FBLN7: variants seen among roughly 807,000 people sequenced by gnomAD.
FBLN7 encodes fibulin-7.
A neutral mutation model predicts 44.0 loss-of-function variants in FBLN7; 31 were observed. That is an observed-to-expected ratio of 0.70 (90% confidence interval 0.53 to 0.95). The LOEUF is 0.95. FBLN7 is among the 40% of genes least tolerant of loss of function. The pLI, the probability that FBLN7 is intolerant of heterozygous loss-of-function variation, is 0.00. For missense variants in FBLN7, 573 were observed against 618.5 expected (o/e 0.93, Z 0.78); for synonymous variants, 262 against 253.4 (o/e 1.03, Z -0.32).
chr2:112,206,140 A>G, the FBLN7 span, among the ~76,000 whole-genome samples: 2 of 152,140 alleles, frequency 1.3e-5, no homozygotes, highest in Non-Finnish European at 2.9e-5. Context: ...TTTCATCTAT[A>G]ATCTCAAATT....
chr2:112,227,692 TA>T, the FBLN7 span, among the ~76,000 whole-genome samples: 2 of 152,046 alleles, frequency 1.3e-5, no homozygotes, highest in Non-Finnish European at 2.9e-5. Context: ...AATGAACAAC[TA>T]AAAATAAAGT....
At chr2:112,230,793 G>T in the FBLN7 span, 1 of 627,658 alleles carries the variant, frequency 1.6e-6, no homozygotes. Context: ...TTTTTTAGTG[G>T]CGGAGGAAGA....
At chr2:112,207,445 C>T in the FBLN7 span, among the ~76,000 whole-genome samples, 4 of 136,848 alleles carry the variant, frequency 2.9e-5, no homozygotes, top group Non-Finnish European at 3.0e-5. Flanking sequence ...CTAGCTGGGG[C>T]GACAGAGAGA....
intron 4 of FBLN7, among the ~76,000 whole-genome samples, chr2:112,178,175 AAGAAAG>A (rs975740187): frequency 6.6e-6 from 1 of 152,092 alleles, no homozygotes; most frequent in Non-Finnish European, 1.5e-5. Flanking sequence ...CTCAAAAAGA[AAGAAAG>A]AGAGAGAGAG....
chr2:112,140,388 C>T (rs561163666), intron 1 of FBLN7, among the ~76,000 whole-genome samples: 1 of 152,348 alleles, frequency 6.6e-6, no homozygotes, highest in East Asian at 1.9e-4. Flanking sequence ...AGCACCAAGG[C>T]TGGGGGACCC....
At chr2:112,160,117 C>A (rs56348849) in intron 2 of FBLN7, among the ~76,000 whole-genome samples, 4,130 of 151,834 alleles carry the variant, frequency 0.027, 63 homozygotes, top group Middle Eastern at 0.051. Flanking sequence ...CAGCCTCCCG[C>A]GTAGCTGGGA....
intron 1 of FBLN7, among the ~76,000 whole-genome samples, chr2:112,154,945 C>T (rs1681340584): frequency 6.6e-6 from 1 of 152,242 alleles, no homozygotes; most frequent in South Asian, 2.1e-4. Context: ...AAAGAGCTGA[C>T]ATAGAGCCTG....
chr2:112,211,098 C>T, the FBLN7 span, among the ~76,000 whole-genome samples: 31 of 152,300 alleles, frequency 2.0e-4, no homozygotes, highest in African/African-American at 7.2e-4. Context: ...AGATGCATGG[C>T]AGTTTACTTC....
At chr2:112,185,754 C>T (rs1477871576) in intron 7 of FBLN7, among the ~76,000 whole-genome samples, 3 of 152,092 alleles carry the variant, frequency 2.0e-5, no homozygotes, top group African/African-American at 4.8e-5. Flanking sequence ...GAACTATAGA[C>T]TCCCTTGAGT....
chr2:112,147,577 A>G (rs1553472739), intron 1 of FBLN7, among the ~76,000 whole-genome samples: 1 of 151,046 alleles, frequency 6.6e-6, no homozygotes, highest in Non-Finnish European at 1.5e-5. Flanking sequence ...TGGAGCCCAG[A>G]CTCCCCCGGC....
chr2:112,240,335 G>C, the FBLN7 span: 1 of 152,174 alleles, frequency 6.6e-6, no homozygotes, highest in Admixed American at 6.5e-5. Flanking sequence ...TTTATGAAAA[G>C]GTTGGCCGAC....
chr2:112,181,737 A>G lies in FBLN7; in HGVS notation c.533-2A>G, dbSNP rs920904411. 9 of 1,380,820 alleles carry G rather than the reference A, an allele frequency of 6.5e-6. No homozygotes were observed. The highest frequency in any genetic ancestry group is 8.4e-6 in the Non-Finnish European group (9 of 1,075,280). 85.5% of individuals were successfully genotyped at this position (1,380,820 alleles called of 1,614,324 possible). A position where few individuals can be genotyped will look rare whatever the true frequency, so the allele number is the denominator to read the frequency against. On this transcript the variant is annotated splice_acceptor_variant, in intron 4 of 7. Transcript: ENST00000331203. LOFTEE classifies it high-confidence loss of function. ...GGCACTGAGCGTGTCTTCTCCCCGCAGCCGCCCCCGAGGGCAGCGTGGCCG... is the reference window on the plus strand; with the variant it reads ...GGCACTGAGCGTGTCTTCTCCCCGCGGCCGCCCCCGAGGGCAGCGTGGCCG...
the FBLN7 span, chr2:112,216,088 G>A: frequency 6.6e-6 from 1 of 152,160 alleles, no homozygotes; most frequent in East Asian, 1.9e-4. Context: ...TGTCTTCCGA[G>A]CAGTTCTCTC....
chr2:112,238,516 C>G, the FBLN7 span: 6 of 1,609,610 alleles, frequency 3.7e-6, no homozygotes, highest in Non-Finnish European at 4.2e-6. Flanking sequence ...GGTGATATTG[C>G]AGAGTGTCTA....
chr2:112,223,160 T>C, the FBLN7 span, among the ~76,000 whole-genome samples: 3 of 151,830 alleles, frequency 2.0e-5, no homozygotes, highest in African/African-American at 7.3e-5. Context: ...CTAATGTAAA[T>C]GACGAGTTAA....
At chr2:112,162,502 A>G (rs527486499) in intron 2 of FBLN7, among the ~76,000 whole-genome samples, 4 of 152,120 alleles carry the variant, frequency 2.6e-5, no homozygotes, top group African/African-American at 7.2e-5. Flanking sequence ...TCATGTCCCC[A>G]TGTTGCTGAG....
chr2:112,160,782 GCACGCACACGCACACACGCACGCA>G (rs1558880354), intron 2 of FBLN7, among the ~76,000 whole-genome samples: 45 of 131,462 alleles, frequency 3.4e-4, no homozygotes, highest in Admixed American at 6.7e-4. Context: ...AGACGCACAC[GCACGCACACGCACACACGCACGCA>G]CACACACGCA....
the FBLN7 span, among the ~76,000 whole-genome samples, chr2:112,235,936 TAAAAAAAA>T: frequency 8.2e-6 from 1 of 122,602 alleles, no homozygotes; most frequent in Non-Finnish European, 1.7e-5. Flanking sequence ...AGTATAACAC[TAAAAAAAA>T]AAAAAAAAAA....
the FBLN7 span, among the ~76,000 whole-genome samples, chr2:112,194,611 T>C: frequency 6.6e-6 from 1 of 152,172 alleles, no homozygotes; most frequent in Non-Finnish European, 1.5e-5. Context: ...AGCCACTGAG[T>C]CCTGGGAGGT....
Sources: gnomAD v4.1 joint callset for allele counts (sites outside exome capture counted in the v4.1 genomes callset) on GRCh38, gnomAD v4.1.1 for gene constraint, MANE v1.5 for transcripts, NCBI Gene and HGNC (gene_info 2026-07-23, HGNC 2026-07-21) for gene names.